The following TNR variants were observed in gnomAD, a reference collection of about 807,000 sequenced individuals.
The protein encoded by TNR is tenascin-R.
Under a neutral mutation model 150.4 loss-of-function variants are expected in TNR, and 45 were observed. That is an observed-to-expected ratio of 0.30 (90% confidence interval 0.24 to 0.38). TNR has a LOEUF of 0.38. TNR is among the 10% of genes least tolerant of loss of function. TNR has a pLI of 1.00. For synonymous variants in TNR, 687 were observed against 678.4 expected, an observed-to-expected ratio of 1.01 and a Z score of -0.20; for missense variants, 1,544 against 1,759.1, an observed-to-expected ratio of 0.88 and a Z score of 2.19.
At chr1:175,460,676 T>C (rs1388276408) in intron 2 of TNR, among the ~76,000 whole-genome samples, 1 of 152,242 alleles carries the variant, frequency 6.6e-6, no homozygotes, top group Non-Finnish European at 1.5e-5. Context: ...ATGAGCAAAC[T>C]GGGCTTCTGA....
At chr1:175,487,462 T>G (rs1658063068) in intron 2 of TNR, among the ~76,000 whole-genome samples, 2 of 152,234 alleles carry the variant, frequency 1.3e-5, no homozygotes, top group African/African-American at 4.8e-5. Context: ...TTTTGGACAC[T>G]GCTTGCCTTC....
chr1:175,615,631 G>T (rs999207265), intron 1 of TNR, among the ~76,000 whole-genome samples: 11 of 152,102 alleles, frequency 7.2e-5, no homozygotes, highest in African/African-American at 2.7e-4. Context: ...ACTCACTTTG[G>T]CCGGTCTCCT....
At chr1:175,630,135 G>A (rs773694420) in intron 1 of TNR, among the ~76,000 whole-genome samples, 1 of 152,106 alleles carries the variant, frequency 6.6e-6, no homozygotes, top group African/African-American at 2.4e-5. Context: ...CTTTGCAGGT[G>A]GAAGACTCCA....
At chr1:175,604,350 T>A (rs1472749657) in intron 1 of TNR, among the ~76,000 whole-genome samples, 1 of 152,098 alleles carries the variant, frequency 6.6e-6, no homozygotes, top group African/African-American at 2.4e-5. Flanking sequence ...CCCCGACAAC[T>A]GACCAGCCCC....
chr1:175,415,145 CTTT>C (rs35109798), intron 2 of TNR, among the ~76,000 whole-genome samples: 10,218 of 137,074 alleles, frequency 0.075, 1,141 homozygotes, highest in African/African-American at 0.25. Context: ...TTTTTTTGTG[CTTT>C]TTTTTTTTTT....
chr1:175,475,706 A>C (rs1405032553), intron 2 of TNR, among the ~76,000 whole-genome samples: 4 of 152,214 alleles, frequency 2.6e-5, no homozygotes, highest in African/African-American at 9.7e-5. Context: ...TGCTTCCTTC[A>C]AGAAGGCAAT....
In TNR at chr1:175,323,042, C is replaced by G. The variant is rs1649146109; in HGVS notation, c.*315G>C. The G allele has an allele frequency of 4.5e-6, 1 of 220,650 alleles. No individual in the cohort carries two copies. The highest frequency in any genetic ancestry group is 8.9e-6 in the Non-Finnish European group (1 of 111,996). The allele number at this position is 220,650 out of a possible 1,614,324, so 13.7% of individuals were successfully genotyped here. On this transcript the variant is annotated 3_prime_UTR_variant, in exon 23 of 23. Coordinates refer to ENST00000367674, the MANE Select transcript of TNR (RefSeq NM_003285.3). ...GTAGAAAAATGTGTGTGCCTGTCAC[C>G]ATAACAATCTGCACCCCACGACTTG... is the stretch of plus-strand genomic sequence containing the variant.
At chr1:175,351,203 G>C (rs1158391430) in intron 18 of TNR, among the ~76,000 whole-genome samples, 1 of 152,052 alleles carries the variant, frequency 6.6e-6, no homozygotes, top group Non-Finnish European at 1.5e-5. Flanking sequence ...TTTCCTTATT[G>C]GTAATGTCCC....
chr1:175,355,006 TG>T (rs1470864796), intron 17 of TNR, among the ~76,000 whole-genome samples: 3 of 152,230 alleles, frequency 2.0e-5, no homozygotes, highest in Non-Finnish European at 4.4e-5. Context: ...AAAAATTTGT[TG>T]TTTCTTTACT....
chr1:175,539,667 G>A (rs55756302), intron 1 of TNR, among the ~76,000 whole-genome samples: 8,440 of 152,206 alleles, frequency 0.055, 332 homozygotes, highest in African/African-American at 0.11. Flanking sequence ...AGTTCCTTCC[G>A]GGAATGTGCC....
intron 2 of TNR, among the ~76,000 whole-genome samples, chr1:175,428,493 T>C (rs1463287984): frequency 6.6e-6 from 1 of 152,180 alleles, no homozygotes; most frequent in Non-Finnish European, 1.5e-5. Context: ...AAATACATCA[T>C]CTAATTCAAT....
At chr1:175,593,130 A>G (rs1662869047) in intron 1 of TNR, among the ~76,000 whole-genome samples, 1 of 152,222 alleles carries the variant, frequency 6.6e-6, no homozygotes, top group South Asian at 2.1e-4. Context: ...ATGGAAGGGC[A>G]TTAAGAGTAG....
intron 2 of TNR, among the ~76,000 whole-genome samples, chr1:175,416,464 G>A (rs1246473487): frequency 6.6e-6 from 1 of 152,096 alleles, no homozygotes; most frequent in East Asian, 1.9e-4. Flanking sequence ...CTAAGCACCT[G>A]ACCTTTTGCT....
chr1:175,733,191 A>G (rs16849056), intron 1 of TNR, among the ~76,000 whole-genome samples: 8,131 of 152,304 alleles, frequency 0.053, 314 homozygotes, highest in East Asian at 0.23. Context: ...CTTAAAATGA[A>G]AAGGTCAAAA....
At chr1:175,398,713 C>T (rs1336192796) in intron 4 of TNR, among the ~76,000 whole-genome samples, 2 of 152,142 alleles carry the variant, frequency 1.3e-5, no homozygotes, top group South Asian at 2.1e-4. Context: ...ACACAGTCAG[C>T]AAACATAGAA....
intron 2 of TNR, among the ~76,000 whole-genome samples, chr1:175,484,799 C>T (rs889111881): frequency 2.6e-5 from 4 of 152,148 alleles, no homozygotes; most frequent in Non-Finnish European, 5.9e-5. Context: ...GGCAGGTCAG[C>T]TGTGGATGGA....
chr1:175,379,412 C>T (rs1313379437), intron 9 of TNR, 140 bp downstream of exon 9: 16 of 685,674 alleles, frequency 2.3e-5, no homozygotes, highest in Middle Eastern at 4.1e-4. Context: ...ATGGATAGTA[C>T]TAGACATATG....
chr1:175,323,516 C>T (rs557722814), intron 22 of TNR, 40 bp from the exon 23 acceptor site: 80 of 1,602,884 alleles, frequency 5.0e-5, no homozygotes, highest in African/African-American at 6.7e-5. Context: ...TCATCCCCCA[C>T]CATGGAACGC....
intron 1 of TNR, among the ~76,000 whole-genome samples, chr1:175,676,040 G>A (rs1665854899): frequency 6.6e-6 from 1 of 152,136 alleles, no homozygotes; most frequent in Admixed American, 6.5e-5. Context: ...AACTGCTGGG[G>A]AAGAAGAACT....
Sources: gnomAD v4.1 joint callset for allele counts (sites outside exome capture counted in the v4.1 genomes callset) on GRCh38, gnomAD v4.1.1 for gene constraint, MANE v1.5 for transcripts, NCBI Gene and HGNC (gene_info 2026-07-23, HGNC 2026-07-21) for gene names.